Variants in PGR observed in about 807,000 individuals in gnomAD.
PGR encodes progesterone receptor.
In PGR, 25 loss-of-function variants were observed where a neutral mutation model predicts 76.1. That is an observed-to-expected ratio of 0.33 (90% CI 0.24 to 0.46). The LOEUF (loss-of-function observed/expected upper bound fraction) is 0.46, where lower values mean the gene tolerates loss of function less well. Among genes scored for constraint, PGR ranks in the 20% least tolerant of loss-of-function variants. The pLI is 1.00. For synonymous variants in PGR, 579 were observed against 535.0 expected, an observed-to-expected ratio of 1.08 and a Z score of -1.14; for missense variants, 1,172 against 1,225.3, an observed-to-expected ratio of 0.96 and a Z score of 0.65.
At chr11:101,054,659 A>T (rs551165005) in intron 4 of PGR, among the ~76,000 whole-genome samples, 1 of 152,322 alleles carries the variant, frequency 6.6e-6, no homozygotes, top group African/African-American at 2.4e-5. Flanking sequence ...AGAAGACCCA[A>T]GTTCCAGTCC....
chr11:101,116,116 C>A lies in PGR; in HGVS notation c.1789+9891G>T, dbSNP rs553968346. On this transcript the variant is annotated intron_variant, in intron 2 of 7. Coordinates refer to ENST00000325455, the MANE Select transcript of PGR (RefSeq NM_000926.4). Reference sequence around the variant, plus strand: ...GTTAGGTATTGTTGACAAGTGACTACAACAAAATTTTTGTTTGCAGTGCTT... The same window carrying A: ...GTTAGGTATTGTTGACAAGTGACTAAAACAAAATTTTTGTTTGCAGTGCTT... 3.3e-5 allele frequency among the ~76,000 whole-genome samples: 5 copies of A among 152,326 alleles called. No individual in the cohort carries two copies. The South Asian group carries it at 1.0e-3, about 32-fold the overall frequency.
chr11:101,094,699 C>T (rs12280675), intron 2 of PGR, among the ~76,000 whole-genome samples: 3,649 of 152,230 alleles, frequency 0.024, 124 homozygotes, highest in African/African-American at 0.085. Context: ...TATATAAGAA[C>T]GTAAGGAAAT....
At chr11:101,121,572 G>A (rs1472799676) in intron 2 of PGR, among the ~76,000 whole-genome samples, 1 of 152,180 alleles carries the variant, frequency 6.6e-6, no homozygotes. Context: ...TATTTATTGT[G>A]ATGTCTAGGT....
At position 101,039,102 on chromosome 11, in the gene PGR, G is replaced by C. The variant is rs1352667599; in HGVS notation, c.*14C>G. ...TACCACAAAATTTAATTCTTTAAAA[G>C]AAAAAGATGACATTCACTTTTTATG... On this transcript the variant is annotated 3_prime_UTR_variant, in exon 8 of 8. Coordinates refer to ENST00000325455, the MANE Select transcript of PGR (RefSeq NM_000926.4). The C allele has an allele frequency of 6.2e-7, 1 of 1,603,768 alleles. No homozygotes were observed. The highest frequency in any genetic ancestry group is 1.1e-5 in the South Asian group (1 of 90,848).
chr11:101,063,934 A>G (rs139323705), intron 3 of PGR: 17 of 152,048 alleles, frequency 1.1e-4, no homozygotes, highest in African/African-American at 3.4e-4. Context: ...AAGTCTTGTC[A>G]CTCTAGCTAC....
At chr11:101,096,228 G>A (rs1013611422) in intron 2 of PGR, among the ~76,000 whole-genome samples, 4 of 152,108 alleles carry the variant, frequency 2.6e-5, no homozygotes, top group Non-Finnish European at 5.9e-5. Flanking sequence ...TGAGGGGTTG[G>A]CACGACTCAT....
chr11:101,061,962 A>G (rs1244224862), intron 4 of PGR, among the ~76,000 whole-genome samples: 4 of 152,192 alleles, frequency 2.6e-5, no homozygotes, highest in East Asian at 1.9e-4. Flanking sequence ...ATTATTTTTT[A>G]AAGTAATTTA....
chr11:101,042,885 T>C (rs1415489620), intron 6 of PGR, among the ~76,000 whole-genome samples: 1 of 152,206 alleles, frequency 6.6e-6, no homozygotes, highest in Admixed American at 6.5e-5. Context: ...AAAAACACTT[T>C]ATTGCTAGAA....
In PGR at chr11:101,056,632, C is replaced by G. The variant is rs537444266; in HGVS notation, c.2213-5064G>C. Among the ~76,000 whole-genome samples the G allele has an allele frequency of 5.7e-5, 7 of 122,040 alleles. No homozygotes were observed. In the East Asian group the frequency reaches 2.1e-3, roughly 36 times the overall value. 80.1% of individuals were successfully genotyped at this position (122,040 alleles called of 152,430 possible). A position where few individuals can be genotyped will look rare whatever the true frequency, so the allele number is the denominator to read the frequency against. On this transcript the variant is annotated intron_variant, in intron 4 of 7. Transcript: ENST00000325455. ...TCCAGCCTGGGTGACAGAGTGAGAGCCTATCTCAAGAAAAAAAAAAAAAAA... is the reference window on the plus strand; with the variant it reads ...TCCAGCCTGGGTGACAGAGTGAGAGGCTATCTCAAGAAAAAAAAAAAAAAA...
intron 3 of PGR, among the ~76,000 whole-genome samples, chr11:101,079,601 A>T (rs1464607127): frequency 1.3e-5 from 2 of 152,208 alleles, no homozygotes; most frequent in African/African-American, 4.8e-5. Context: ...GTTACTAAAA[A>T]GACAAAAAAT....
Position 101,127,451 on chromosome 11 carries a change from G to A in PGR, c.1620C>T (p.Pro540=), listed in dbSNP as rs1419460061. 1.9e-6 allele frequency: 3 copies of A among 1,558,404 alleles called. No homozygotes were observed. In the African/African-American group the frequency reaches 4.2e-5, roughly 22 times the overall value. The change falls in exon 1 of 8, where the codon CCC becomes CCT. Residue 540 remains proline (P), a synonymous_variant. Transcript: ENST00000325455. ...GCCCTCACCTCAGGTAGTTGAGATA[G>A]GGCGGGTAGACCTGCGGCAGGCCCT... The part of the protein sequence containing the change: ...LKEGLPQVYP[P]YLNYLRPDSE...
At chr11:101,086,301 A>G (rs1861498681) in intron 3 of PGR, among the ~76,000 whole-genome samples, 1 of 151,246 alleles carries the variant, frequency 6.6e-6, no homozygotes, top group Non-Finnish European at 1.5e-5. Context: ...GCAAATCAAT[A>G]AATATGATTT....
intron 2 of PGR, among the ~76,000 whole-genome samples, chr11:101,114,830 GA>G (rs1862453534): frequency 6.6e-6 from 1 of 151,834 alleles, no homozygotes; most frequent in Non-Finnish European, 1.5e-5. Context: ...TTACCTTTCT[GA>G]CATTAATCTT....
intron 2 of PGR, 115 bp from the exon 3 acceptor site, chr11:101,091,991 C>A: frequency 1.4e-6 from 1 of 698,610 alleles, no homozygotes; most frequent in East Asian, 2.7e-5. Context: ...ATGACTCAGC[C>A]AGCTTCCTGC....
Position 101,127,501 on chromosome 11 carries a change from C to A in PGR, c.1570G>T (p.Gly524Cys). ...ALGLNGLPQL[G>C]YQAAVLKEGL... The stretch of plus-strand genomic sequence containing the variant: ...TCCTTGAGCACGGCGGCCTGGTAGC[C>A]GAGCTGCGGGAGCCCGTTGAGGCCG... Residue 524 changes from glycine to cysteine, a missense_variant, in exon 1 of 8, where the codon GGC (glycine) becomes TGC (cysteine). Physicochemically the swap from Gly to Cys is radical, Grantham distance 159 (BLOSUM62 -3). Around this residue, in one of 4 missense-constraint regions of PGR, gnomAD observed 893 missense variants for 785.9 expected, o/e 1.14. Coordinates refer to ENST00000325455, the MANE Select transcript of PGR (RefSeq NM_000926.4). 1 of 1,547,458 alleles carries A rather than the reference C, an allele frequency of 6.5e-7. No homozygotes were observed. The highest frequency in any genetic ancestry group is 1.9e-5 in the Admixed American group (1 of 52,328).
chr11:101,039,859 T>A (rs1306984251), intron 7 of PGR, among the ~76,000 whole-genome samples: 1 of 152,022 alleles, frequency 6.6e-6, no homozygotes, highest in Non-Finnish European at 1.5e-5. Context: ...TAGACACAAC[T>A]ACCTTCAACT....
rs190706966 is a variant in PGR, at chr11:101,079,554, C to A, written c.1906+12206G>T. On this transcript the variant is annotated intron_variant, in intron 3 of 7. Coordinates refer to ENST00000325455, the MANE Select transcript of PGR (RefSeq NM_000926.4). ...ATCATCAGGGAAATGCAAATAAAAC[C>A]ACAATAAGATATTATCTCACTCCAG... is the stretch of plus-strand genomic sequence containing the variant. Among the ~76,000 whole-genome samples the A allele has an allele frequency of 3.3e-5, 5 of 151,902 alleles. No homozygotes were observed. In the East Asian group the frequency reaches 9.7e-4, roughly 29 times the overall value.
intron 4 of PGR, among the ~76,000 whole-genome samples, chr11:101,058,562 A>G (rs1860374103): frequency 6.6e-6 from 1 of 152,196 alleles, no homozygotes; most frequent in Non-Finnish European, 1.5e-5. Flanking sequence ...TGTCCTAAAA[A>G]ATGCAAGGTT....
chr11:101,073,629 T>TA (rs1475635177), intron 3 of PGR, among the ~76,000 whole-genome samples: 2 of 151,326 alleles, frequency 1.3e-5, no homozygotes, highest in African/African-American at 4.9e-5. Flanking sequence ...GTAGACACAA[T>TA]AAAAAATGAT....
Sources: gnomAD v4.1 joint callset for allele counts (sites outside exome capture counted in the v4.1 genomes callset) on GRCh38, gnomAD v4.1.1 for gene constraint, gnomAD v4.1.1 regional missense constraint, MANE v1.5 for transcripts, NCBI Gene and HGNC (gene_info 2026-07-23, HGNC 2026-07-21) for gene names.